Variants in SLC39A12 observed in about 807,000 individuals in gnomAD.
SLC39A12 encodes the protein zinc transporter ZIP12.
In SLC39A12, 63 loss-of-function variants were observed where a neutral mutation model predicts 71.1. The ratio of observed to expected loss-of-function variants is 0.89; its 90% confidence interval spans 0.72 to 1.09. The LOEUF is 1.09. Ranked by LOEUF, SLC39A12 falls within the 50% of genes least tolerant of loss-of-function variation. SLC39A12 has a pLI of 0.00. For missense variants in SLC39A12, 892 were observed against 812.6 expected (o/e 1.10, Z -1.19); for synonymous variants, 351 against 301.3 (o/e 1.16, Z -1.71).
intron 11 of SLC39A12, 111 bp from the exon 12 acceptor site, chr10:18,003,060 C>T (rs1461537090): frequency 1.2e-6 from 1 of 855,964 alleles, no homozygotes; most frequent in African/African-American, 1.7e-5. Context: ...TCAACTCTAC[C>T]TATAAAATTG....
At chr10:18,029,253 G>A (rs1836768712) in intron 12 of SLC39A12, among the ~76,000 whole-genome samples, 2 of 152,126 alleles carry the variant, frequency 1.3e-5, no homozygotes, top group African/African-American at 2.4e-5. Context: ...TTTCAATTAG[G>A]TAACAGAACT....
chr10:18,014,165 T>G (rs1836313049), intron 12 of SLC39A12, among the ~76,000 whole-genome samples: 1 of 152,190 alleles, frequency 6.6e-6, no homozygotes, highest in African/African-American at 2.4e-5. Context: ...TACACAAGTC[T>G]TTCACTTTTT....
At chr10:17,957,786 G>A (rs1834586737) in intron 2 of SLC39A12, among the ~76,000 whole-genome samples, 1 of 152,036 alleles carries the variant, frequency 6.6e-6, no homozygotes, top group South Asian at 2.1e-4. Flanking sequence ...CTTTTCTGAG[G>A]CTTCCACCTG....
At chr10:17,962,683 G>T (rs1589220034) in intron 3 of SLC39A12, among the ~76,000 whole-genome samples, 1 of 151,878 alleles carries the variant, frequency 6.6e-6, no homozygotes, top group Non-Finnish European at 1.5e-5. Context: ...CTGGCATTCT[G>T]AAGCTTAACG....
chr10:18,011,290 T>C (rs182326688), intron 12 of SLC39A12, among the ~76,000 whole-genome samples: 17 of 152,318 alleles, frequency 1.1e-4, no homozygotes, highest in African/African-American at 4.1e-4. Flanking sequence ...GGTTTCGCCA[T>C]GTTGGCCAGG....
At chr10:17,997,301 A>G (rs1217146029) in intron 10 of SLC39A12, among the ~76,000 whole-genome samples, 1 of 152,240 alleles carries the variant, frequency 6.6e-6, no homozygotes, top group African/African-American at 2.4e-5. Flanking sequence ...ACCAAACACC[A>G]TTATAACAAC....
chr10:17,976,778 A>C (rs1373262299), intron 4 of SLC39A12, among the ~76,000 whole-genome samples: 1 of 152,112 alleles, frequency 6.6e-6, no homozygotes. Flanking sequence ...TCTGGGTGTG[A>C]ATCTTTTTGT....
intron 6 of SLC39A12, among the ~76,000 whole-genome samples, chr10:17,983,038 A>AT (rs1469940838): frequency 6.0e-5 from 9 of 150,004 alleles, no homozygotes; most frequent in Non-Finnish European, 8.9e-5. Flanking sequence ...AAAATTAAAA[A>AT]TTAAAAAAAA....
chr10:17,989,605 CA>C (rs1452571187), intron 7 of SLC39A12, among the ~76,000 whole-genome samples: 1 of 78,946 alleles, frequency 1.3e-5, no homozygotes, highest in East Asian at 3.3e-4. Flanking sequence ...ATTTTGTAGA[CA>C]GTTTTTTTTT....
intron 4 of SLC39A12, among the ~76,000 whole-genome samples, chr10:17,970,315 C>T (rs1339914294): frequency 6.6e-6 from 1 of 152,044 alleles, no homozygotes; most frequent in Non-Finnish European, 1.5e-5. Context: ...TTTTCTATTT[C>T]TGTGAAGAAT....
At chr10:17,978,126 C>A in intron 5 of SLC39A12, 52 bp downstream of exon 5, 2 of 1,434,790 alleles carry the variant, frequency 1.4e-6, no homozygotes, top group South Asian at 1.4e-5. Flanking sequence ...AAAGGAAGCC[C>A]AGCTGTGAAA....
At chr10:18,025,651 G>A (rs1836657152) in intron 12 of SLC39A12, among the ~76,000 whole-genome samples, 1 of 151,912 alleles carries the variant, frequency 6.6e-6, no homozygotes. Context: ...CATTTGGGTT[G>A]GTTCCAAGTC....
chr10:18,035,485 G>T (rs1238194817), intron 12 of SLC39A12, among the ~76,000 whole-genome samples: 1 of 146,212 alleles, frequency 6.8e-6, no homozygotes, highest in Non-Finnish European at 1.5e-5. Flanking sequence ...TCGAGCCTTG[G>T]TTTTCAGCTC....
Position 17,953,297 on chromosome 10 carries a change from C to A in SLC39A12, c.21C>A (p.Leu7=). ...TGGAAATGTGCTTCCGGACAAAGCTCTCAGTATCCTGGGTGCCATTGTTTC... is the reference window on the plus strand; with the variant it reads ...TGGAAATGTGCTTCCGGACAAAGCTATCAGTATCCTGGGTGCCATTGTTTC... MCFRTK[L]SVSWVPLFLL... is the part of the protein sequence containing the mutation. The change falls in exon 2 of 13, where the codon CTC becomes CTA. Residue 7 remains leucine, a synonymous_variant. Coordinates refer to ENST00000377369, the MANE Select transcript of SLC39A12 (RefSeq NM_001145195.2). 1.2e-6 allele frequency: 2 copies of A among 1,614,174 alleles called. No homozygotes were observed. The highest frequency in any genetic ancestry group is 1.7e-6 in the Non-Finnish European group (2 of 1,180,026).
intron 12 of SLC39A12, among the ~76,000 whole-genome samples, chr10:18,006,742 C>T (rs1836032235): frequency 6.6e-6 from 1 of 152,082 alleles, no homozygotes; most frequent in Non-Finnish European, 1.5e-5. Flanking sequence ...CAACACTGGC[C>T]CTGCCAGCAT....
intron 7 of SLC39A12, among the ~76,000 whole-genome samples, chr10:17,987,896 G>A (rs533788736): frequency 1.3e-5 from 2 of 152,204 alleles, no homozygotes; most frequent in Admixed American, 6.5e-5. Flanking sequence ...AAAGGTGGCA[G>A]GGCACGGTGG....
intron 12 of SLC39A12, among the ~76,000 whole-genome samples, chr10:18,030,301 C>T (rs1836803503): frequency 2.0e-5 from 3 of 150,902 alleles, no homozygotes; most frequent in South Asian, 2.1e-4. Context: ...CTCTCTCTGT[C>T]GCCCAGGCTG....
Position 18,003,125 on chromosome 10 carries a change from C to T in SLC39A12, c.1760-46C>T, listed in dbSNP as rs76575233. On this transcript the variant is annotated intron_variant, in intron 11 of 12. Transcript: ENST00000377369. Reference sequence around the variant, plus strand: ...TAGTGCGTTACTTTAGCAAAGGCGTCTTCCATTAAATGATAATTATATTTT... The same window carrying T: ...TAGTGCGTTACTTTAGCAAAGGCGTTTTCCATTAAATGATAATTATATTTT... 874 of 1,571,082 alleles carry T rather than the reference C, an allele frequency of 5.6e-4. 7 individuals carry two copies. In the African/African-American group the frequency reaches 0.011, roughly 19 times the overall value.
chr10:18,012,483 A>G (rs2130863046), intron 12 of SLC39A12, among the ~76,000 whole-genome samples: 1 of 152,296 alleles, frequency 6.6e-6, no homozygotes, highest in Non-Finnish European at 1.5e-5. Context: ...AGGGTCAGCA[A>G]GGTTCATTAA....
Sources: allele counts gnomAD v4.1 joint callset (sites outside exome capture counted in the v4.1 genomes callset), GRCh38; gene constraint gnomAD v4.1.1; transcripts MANE v1.5; gene names NCBI Gene and HGNC (gene_info 2026-07-23, HGNC 2026-07-21).